The following TOB2 variants were observed in gnomAD, a reference collection of about 807,000 sequenced individuals.
TOB2 encodes the protein protein Tob2.
TOB2 carries 3 observed loss-of-function variants against 17.3 expected under a neutral mutation model. That is an observed-to-expected ratio of 0.17 (90% CI 0.08 to 0.45). The LOEUF (loss-of-function observed/expected upper bound fraction) is 0.45. TOB2 is among the 20% of genes least tolerant of loss of function. The pLI is 0.99. For missense variants in TOB2, 407 were observed against 445.7 expected, an observed-to-expected ratio of 0.91 and a Z score of 0.78; for synonymous variants, 163 against 185.6, an observed-to-expected ratio of 0.88 and a Z score of 0.99.
chr22:41,446,362 C>T lies in TOB2; in HGVS notation c.-63+17G>A, dbSNP rs1265175440. On this transcript the variant is annotated intron_variant, in intron 1 of 1. Transcript: ENST00000327492. ...TCGGGGCGGGCCCCCCGCCCGCACGCCCCCCAACTCACTCACTCGGGTCTC... is the reference window on the plus strand; with the variant it reads ...TCGGGGCGGGCCCCCCGCCCGCACGTCCCCCAACTCACTCACTCGGGTCTC... The T allele has an allele frequency of 6.5e-6, 1 of 153,170 alleles. No homozygotes were observed. Among genetic ancestry groups the T allele is most frequent in the Non-Finnish European group, 1.5e-5 (1 of 68,824 alleles). The allele number at this position is 153,170 out of a possible 1,614,324, so 9.5% of individuals were successfully genotyped here.
chr22:41,437,381 G>T lies in TOB2; in HGVS notation c.-36C>A. On this transcript the variant is annotated 5_prime_UTR_variant, in exon 2 of 2. Transcript: ENST00000327492. ...TAGGCAGAGAATCAGCACAGGGCACGTGTACAGCCTTGGGCTCCAGGCGGC... is the reference window on the plus strand; with the variant it reads ...TAGGCAGAGAATCAGCACAGGGCACTTGTACAGCCTTGGGCTCCAGGCGGC... 1 of 1,582,724 alleles carries T rather than the reference G, an allele frequency of 6.3e-7. No homozygotes were observed. The highest frequency in any genetic ancestry group is 8.6e-7 in the Non-Finnish European group (1 of 1,165,408).
In TOB2 at chr22:41,436,053, AAAAAG is replaced by A. The variant is rs1349892031; in HGVS notation, c.*253_*257del. 5.6e-5 allele frequency: 22 copies of A among 390,290 alleles called. No homozygotes were observed. Among genetic ancestry groups the A allele is most frequent in the South Asian group, 3.1e-4 (4 of 12,882 alleles). The allele number at this position is 390,290 out of a possible 1,614,324, so 24.2% of individuals were successfully genotyped here. ...TAGAAAACTACATGTAAGAAAAAAA[AAAAAG>A]AAAAAGAAATATAAAACCCAAACCA... On this transcript the variant is annotated 3_prime_UTR_variant, in exon 2 of 2. Transcript: ENST00000327492. This position sits in a 1 kb window ranked among gnomAD's most constrained non-coding sequence, Gnocchi z 4.8.
intron 1 of TOB2, among the ~76,000 whole-genome samples, chr22:41,438,629 TCAAAAA>T: frequency 5.3e-4 from 1 of 1,880 alleles, no homozygotes; most frequent in Non-Finnish European, 1.2e-3. Flanking sequence ...AAACTCTGTC[TCAAAAA>T]AAAAAAAAAA....
chr22:41,434,028 C>T lies in TOB2; in HGVS notation c.*2283G>A, dbSNP rs1157552630. On this transcript the variant is annotated 3_prime_UTR_variant, in exon 2 of 2. Transcript: ENST00000327492. The stretch of plus-strand genomic sequence containing the variant: ...TTAGAAATATACATATATTATATAC[C>T]TCTTACATTTTACAAATGTAGCAAA... 3.1e-5 allele frequency: 5 copies of T among 158,868 alleles called. No individual in the cohort carries two copies. In the Admixed American group the frequency reaches 3.2e-4, roughly 10 times the overall value. 9.8% of individuals were successfully genotyped at this position (158,868 alleles called of 1,614,324 possible). A position where few individuals can be genotyped will look rare whatever the true frequency, so the allele number is the denominator to read the frequency against.
Position 41,434,584 on chromosome 22 carries a change from G to GAC in TOB2, c.*1726_*1727insGT. ...TGCCTACTGCAGGGAGAGGAGGCTGGCAGTGCTGGCCTGGGCTGGACCCAC... is the reference window on the plus strand; with the variant it reads ...TGCCTACTGCAGGGAGAGGAGGCTGGACCAGTGCTGGCCTGGGCTGGACCCAC... On this transcript the variant is annotated 3_prime_UTR_variant, in exon 2 of 2. Transcript: ENST00000327492. 1 of 153,368 alleles carries GAC rather than the reference G, an allele frequency of 6.5e-6. No homozygotes were observed. The highest frequency in any genetic ancestry group is 2.1e-4 in the South Asian group (1 of 4,830). The allele number at this position is 153,368 out of a possible 1,614,324, so 9.5% of individuals were successfully genotyped here.
chr22:41,440,748 G>A (rs1341773994), intron 1 of TOB2, among the ~76,000 whole-genome samples: 1 of 151,948 alleles, frequency 6.6e-6, no homozygotes, highest in Non-Finnish European at 1.5e-5. Flanking sequence ...TGTATTTTTA[G>A]TACACACGGG....
chr22:41,436,437 C>T lies in TOB2; in HGVS notation c.909G>A (p.Gln303=). 6.2e-7 allele frequency: 1 copy of T among 1,614,224 alleles called. No homozygotes were observed. Among genetic ancestry groups the T allele is most frequent in the Middle Eastern group, 1.6e-4 (1 of 6,062 alleles). ...TCNSSSFDMA[Q]VFGGGANSLF... is the part of the protein sequence containing the mutation. ...GGCTGTTGGCACCACCTCCAAATAC[C>T]TGGGCCATGTCAAAGCTGCTGCTGT... The change falls in exon 2 of 2, where the codon CAG becomes CAA. Residue 303 remains glutamine, a synonymous_variant. Transcript: ENST00000327492. The surrounding 1 kb of genome is among the most constrained non-coding windows in gnomAD (Gnocchi z 4.8).
chr22:41,436,459 C>T lies in TOB2; in HGVS notation c.887G>A (p.Ser296Asn), dbSNP rs765566031. 1 of 1,614,208 alleles carries T rather than the reference C, an allele frequency of 6.2e-7. No individual in the cohort carries two copies. The highest frequency in any genetic ancestry group is 8.5e-7 in the Non-Finnish European group (1 of 1,180,020). Residue 296 changes from serine to asparagine, a missense_variant, in exon 2 of 2, where the codon AGC (serine) becomes AAC (asparagine). Transcript: ENST00000327492. This position sits in a 1 kb window ranked among gnomAD's most constrained non-coding sequence, Gnocchi z 4.8. ...FGGSGAGTCN[S>N]SSFDMAQVFG... ...TACCTGGGCCATGTCAAAGCTGCTG[C>T]TGTTGCAGGTGCCAGCCCCACTGCC... is the stretch of plus-strand genomic sequence containing the variant.
rs931909952 is a variant in TOB2 at position 41,436,058 on chromosome 22, GA to G, written c.*252del. On this transcript the variant is annotated 3_prime_UTR_variant, in exon 2 of 2. Transcript: ENST00000327492. The surrounding 1 kb of genome is among the most constrained non-coding windows in gnomAD (Gnocchi z 4.8). ...AACTACATGTAAGAAAAAAAAAAAA[GA>G]AAAAGAAATATAAAACCCAAACCAA... 5.3e-6 allele frequency: 2 copies of G among 376,890 alleles called. No individual in the cohort carries two copies. Among genetic ancestry groups the G allele is most frequent in the African/African-American group, 4.2e-5 (2 of 47,856 alleles). 23.3% of individuals were successfully genotyped at this position (376,890 alleles called of 1,614,324 possible). A position where few individuals can be genotyped will look rare whatever the true frequency, so the allele number is the denominator to read the frequency against.
chr22:41,436,241 C>CTT lies in TOB2; in HGVS notation c.*68_*69dup. ...TCTTTTTGTACATTTTTCTTTTCCT[C>CTT]TTTTTTTTGGCCTTTCCTTTCTCTT... On this transcript the variant is annotated 3_prime_UTR_variant, in exon 2 of 2. Coordinates refer to ENST00000327492, the MANE Select transcript of TOB2 (RefSeq NM_016272.4). The surrounding 1 kb of genome is among the most constrained non-coding windows in gnomAD (Gnocchi z 4.8). 6.8e-7 allele frequency: 1 copy of CTT among 1,473,138 alleles called. No individual in the cohort carries two copies. 91.3% of individuals were successfully genotyped at this position (1,473,138 alleles called of 1,614,324 possible). A position where few individuals can be genotyped will look rare whatever the true frequency, so the allele number is the denominator to read the frequency against.
At chr22:41,437,523 C>T (rs202642) in intron 1 of TOB2, 116 bp from the exon 2 acceptor site, 996,625 of 1,276,536 alleles carry the variant, frequency 0.78, 392,096 homozygotes, top group East Asian at 0.95. Context: ...CCTATTTCTG[C>T]CCCACCAGTG....
intron 1 of TOB2, among the ~76,000 whole-genome samples, chr22:41,438,242 C>T (rs1418764236): frequency 3.3e-5 from 5 of 152,186 alleles, no homozygotes; most frequent in Non-Finnish European, 7.3e-5. Context: ...GCCAATTCTT[C>T]ACTGGGGGCC....
At chr22:41,442,820 T>C (rs534426173) in intron 1 of TOB2, among the ~76,000 whole-genome samples, 1 of 152,346 alleles carries the variant, frequency 6.6e-6, no homozygotes, top group African/African-American at 2.4e-5. Flanking sequence ...AAAATATTTA[T>C]GGAAGTATGG....
At chr22:41,439,510 T>C (rs1601849443) in intron 1 of TOB2, among the ~76,000 whole-genome samples, 1 of 151,670 alleles carries the variant, frequency 6.6e-6, no homozygotes, top group Admixed American at 6.6e-5. Context: ...TATGTATGTA[T>C]GTATGTATGT....
At chr22:41,444,078 A>G (rs1369601606) in intron 1 of TOB2, among the ~76,000 whole-genome samples, 1 of 152,218 alleles carries the variant, frequency 6.6e-6, no homozygotes. Context: ...ACAGGACTCA[A>G]CTAAGTGTGG....
chr22:41,436,579 T>A lies in TOB2; in HGVS notation c.767A>T (p.Asn256Ile), dbSNP rs768451131. 2 of 1,610,738 alleles carry A rather than the reference T, an allele frequency of 1.2e-6. No homozygotes were observed. Among genetic ancestry groups the A allele is most frequent in the Non-Finnish European group, 1.7e-6 (2 of 1,178,480 alleles). Residue 256 changes from asparagine (N) to isoleucine (I), a missense_variant, in exon 2 of 2, where the codon AAT becomes ATT. Coordinates refer to ENST00000327492, the MANE Select transcript of TOB2 (RefSeq NM_016272.4). The surrounding 1 kb of genome is among the most constrained non-coding windows in gnomAD (Gnocchi z 4.8). ...NPAPQSQLSP[N>I]AKEFVYNGGG... is the part of the protein sequence containing the mutation. ...ACCGTTGTACACGAACTCCTTGGCA[T>A]TGGGTGAGAGCTGGGACTGAGGGGC...
At chr22:41,439,362 G>T (rs2037588541) in intron 1 of TOB2, among the ~76,000 whole-genome samples, 1 of 152,122 alleles carries the variant, frequency 6.6e-6, no homozygotes, top group South Asian at 2.1e-4. Context: ...GAAGTATCCA[G>T]GTGCTAATTT....
intron 1 of TOB2, among the ~76,000 whole-genome samples, chr22:41,441,877 C>G (rs1383431336): frequency 6.6e-6 from 1 of 150,856 alleles, no homozygotes; most frequent in Non-Finnish European, 1.5e-5. Flanking sequence ...CGCCACTGCA[C>G]TCCAGCCTGG....
chr22:41,443,198 C>G (rs185016518), intron 1 of TOB2, among the ~76,000 whole-genome samples: 1 of 152,244 alleles, frequency 6.6e-6, no homozygotes, highest in East Asian at 1.9e-4. Flanking sequence ...GCGTGAAGCT[C>G]AAAAGAAGCC....
Sources: allele counts gnomAD v4.1 joint callset (sites outside exome capture counted in the v4.1 genomes callset), GRCh38; gene constraint gnomAD v4.1.1; non-coding constraint Gnocchi (gnomAD v3.1); transcripts MANE v1.5; gene names NCBI Gene and HGNC (gene_info 2026-07-23, HGNC 2026-07-21).